The following APBA1 variants were observed in gnomAD, a reference collection of about 807,000 sequenced individuals.
APBA1 encodes amyloid beta precursor protein binding family A member 1, also known as amyloid-beta A4 precursor protein-binding family A member 1.
Under a neutral mutation model 86.6 loss-of-function variants are expected in APBA1, and 55 were observed. The observed-to-expected ratio is 0.64, with a 90% CI of 0.51 to 0.80. The LOEUF is 0.80. APBA1 is among the 30% of genes least tolerant of loss of function. The pLI is 0.00. For synonymous variants in APBA1, 511 were observed against 493.9 expected (o/e 1.03, Z -0.46); for missense variants, 1,090 against 1,183.0 (o/e 0.92, Z 1.15).
rs760573578 is a variant in APBA1, at chr9:69,516,362, C to T, written c.849G>A (p.Ser283=). 1 of 1,600,354 alleles carries T rather than the reference C, an allele frequency of 6.2e-7. No homozygotes were observed. The highest frequency in any genetic ancestry group is 8.5e-7 in the Non-Finnish European group (1 of 1,178,152). Residue 283 remains serine, a synonymous_variant, in exon 2 of 13, where the codon TCG becomes TCA. Coordinates refer to ENST00000265381, the MANE Select transcript of APBA1 (RefSeq NM_001163.4). The surrounding 1 kb of genome is among the most constrained non-coding windows in gnomAD (Gnocchi z 7.3). ...CCTCGGCTGCCTTGTCGAGGCTCTGCGAGCTCATGCTCTGCTTCACCTCGG... is the reference window on the plus strand; with the variant it reads ...CCTCGGCTGCCTTGTCGAGGCTCTGTGAGCTCATGCTCTGCTTCACCTCGG... ...IVAEVKQSMS[S]QSLDKAAEDM...
At chr9:69,527,610 C>T (rs990277373) in intron 1 of APBA1, among the ~76,000 whole-genome samples, 3 of 152,066 alleles carry the variant, frequency 2.0e-5, no homozygotes, top group African/African-American at 7.2e-5. Context: ...ACTGTTTGTG[C>T]TCTTCCTATT....
At chr9:69,612,320 A>AAGT (rs1822606664) in intron 1 of APBA1, among the ~76,000 whole-genome samples, 1 of 152,110 alleles carries the variant, frequency 6.6e-6, no homozygotes, top group Non-Finnish European at 1.5e-5. Flanking sequence ...AAAATAAATT[A>AAGT]GGGAAATGTA....
intron 2 of APBA1, among the ~76,000 whole-genome samples, chr9:69,496,323 A>G (rs1044518045): frequency 7.2e-5 from 11 of 152,112 alleles, no homozygotes; most frequent in African/African-American, 2.4e-4. Flanking sequence ...ACCCTTTATC[A>G]GACATGCTGA....
intron 1 of APBA1, among the ~76,000 whole-genome samples, chr9:69,658,136 T>A (rs1186221856): frequency 6.6e-6 from 1 of 152,182 alleles, no homozygotes; most frequent in African/African-American, 2.4e-5. Flanking sequence ...ATGTGGAGAT[T>A]CCCAGTGGAA....
chr9:69,472,691 A>AAT (rs1835384844), intron 3 of APBA1: 1 of 152,196 alleles, frequency 6.6e-6, no homozygotes, highest in African/African-American at 2.4e-5. Flanking sequence ...TCTGGCACTG[A>AAT]ATAGCTGTTG....
At chr9:69,454,238 T>C (rs939032148) in intron 8 of APBA1, among the ~76,000 whole-genome samples, 1 of 152,208 alleles carries the variant, frequency 6.6e-6, no homozygotes, top group African/African-American at 2.4e-5. Context: ...ACAAATCACA[T>C]CAAGAACTAC....
chr9:69,488,193 T>A (rs1007479559), intron 2 of APBA1, among the ~76,000 whole-genome samples: 2 of 152,080 alleles, frequency 1.3e-5, no homozygotes, highest in African/African-American at 4.8e-5. Context: ...GAAAGGCTCT[T>A]AAGAAAACTG....
chr9:69,503,855 C>G (rs1043954103), intron 2 of APBA1, among the ~76,000 whole-genome samples: 1 of 152,076 alleles, frequency 6.6e-6, no homozygotes, highest in African/African-American at 2.4e-5. Flanking sequence ...TTTCCTGTCA[C>G]CTGGAGATTC....
In APBA1 at chr9:69,471,666, G is replaced by A. The variant is rs1835368593; in HGVS notation, c.1326C>T (p.Thr442=). Residue 442 remains threonine, a synonymous_variant, in exon 4 of 13, where the codon ACC becomes ACT. Coordinates refer to ENST00000265381, the MANE Select transcript of APBA1 (RefSeq NM_001163.4). ...ESRKSLASFP[T]YVEVPGPCDP... Reference sequence around the variant, plus strand: ...CTTTTCAGCTCTTACCTTCAACGTAGGTTGGGAATGAAGCCAAGCTTTTTC... The same window carrying A: ...CTTTTCAGCTCTTACCTTCAACGTAAGTTGGGAATGAAGCCAAGCTTTTTC... The A allele has an allele frequency of 6.2e-7, 1 of 1,613,418 alleles. No homozygotes were observed. Among genetic ancestry groups the A allele is most frequent in the African/African-American group, 1.3e-5 (1 of 74,904 alleles).
At chr9:69,482,975 G>T (rs1366796054) in intron 2 of APBA1, among the ~76,000 whole-genome samples, 1 of 113,622 alleles carries the variant, frequency 8.8e-6, no homozygotes, top group African/African-American at 3.2e-5. Flanking sequence ...GTTGTGGGGT[G>T]GGGGGAGGGG....
chr9:69,506,357 G>GAC (rs1294013635), intron 2 of APBA1, among the ~76,000 whole-genome samples: 1 of 139,776 alleles, frequency 7.2e-6, no homozygotes, highest in Non-Finnish European at 1.6e-5. Context: ...GCGCTTTTCG[G>GAC]ACCGGCTTAA....
rs1374709748 is a variant in APBA1 at position 69,430,333 on chromosome 9, C to G, written c.*994G>C. The G allele has an allele frequency of 6.6e-6, 1 of 152,254 alleles. No homozygotes were observed. Among genetic ancestry groups the G allele is most frequent in the Non-Finnish European group, 1.5e-5 (1 of 68,112 alleles). 9.4% of individuals were successfully genotyped at this position (152,254 alleles called of 1,614,324 possible). A position where few individuals can be genotyped will look rare whatever the true frequency, so the allele number is the denominator to read the frequency against. ...GGGAGGGGAGTCCAGGAGGAGGATG[C>G]TTTAAGCCAAAGTGGTGCTGGAGGG... On this transcript the variant is annotated 3_prime_UTR_variant, in exon 13 of 13. Transcript: ENST00000265381.
chr9:69,447,055 C>T (rs1165929888), intron 10 of APBA1, among the ~76,000 whole-genome samples: 1 of 152,138 alleles, frequency 6.6e-6, no homozygotes, highest in Non-Finnish European at 1.5e-5. Flanking sequence ...GGCAAGAGCC[C>T]CTTCTGAGTT....
chr9:69,592,692 CTT>C (rs1822153775), intron 1 of APBA1, among the ~76,000 whole-genome samples: 1 of 152,214 alleles, frequency 6.6e-6, no homozygotes, highest in South Asian at 2.1e-4. Context: ...TCACTCTTCT[CTT>C]GTCTGCTACC....
rs115277344 is a variant in APBA1, at chr9:69,526,297, G to A, written c.-69-9018C>T. On this transcript the variant is annotated intron_variant, in intron 1 of 12. Transcript: ENST00000265381. ...AGAGTAAACAGATAACCTATAGAAA[G>A]AGCGAAAATATTTGCAAACTATACA... Among the ~76,000 whole-genome samples the A allele has an allele frequency of 7.8e-3, 1,187 of 152,134 alleles. 19 individuals are homozygous for A. The highest frequency in any genetic ancestry group is 0.027 in the African/African-American group (1,141 of 41,500).
intron 2 of APBA1, among the ~76,000 whole-genome samples, chr9:69,512,699 G>T (rs1836071124): frequency 6.6e-6 from 1 of 152,092 alleles, no homozygotes; most frequent in Non-Finnish European, 1.5e-5. Context: ...TAAATCAGTA[G>T]TTCTCAATCT....
intron 1 of APBA1, among the ~76,000 whole-genome samples, chr9:69,619,639 C>G (rs931363004): frequency 6.6e-6 from 1 of 152,214 alleles, no homozygotes; most frequent in Non-Finnish European, 1.5e-5. Context: ...GGCTCCCTCC[C>G]CAACTCACTT....
At chr9:69,567,328 A>C (rs1037028949) in intron 1 of APBA1, among the ~76,000 whole-genome samples, 4 of 152,066 alleles carry the variant, frequency 2.6e-5, no homozygotes, top group African/African-American at 9.7e-5. Context: ...AATGCTAAGG[A>C]AATTCCTGCC....
intron 1 of APBA1, among the ~76,000 whole-genome samples, chr9:69,560,810 A>G (rs989545705): frequency 1.3e-5 from 2 of 152,210 alleles, no homozygotes; most frequent in Non-Finnish European, 1.5e-5. Flanking sequence ...ATGACCTCTG[A>G]GCATCATGTC....
Sources: allele counts gnomAD v4.1 joint callset (sites outside exome capture counted in the v4.1 genomes callset), GRCh38; gene constraint gnomAD v4.1.1; non-coding constraint Gnocchi (gnomAD v3.1); transcripts MANE v1.5; gene names NCBI Gene and HGNC (gene_info 2026-07-23, HGNC 2026-07-21).